The following GSK3B variants were observed in gnomAD, a reference collection of about 807,000 sequenced individuals.
GSK3B encodes glycogen synthase kinase-3 beta.
Under a neutral mutation model 56.4 loss-of-function variants are expected in GSK3B, and 15 were observed. That is an observed-to-expected ratio of 0.27 (90% CI 0.18 to 0.41). The LOEUF (loss-of-function observed/expected upper bound fraction) is 0.41. Among genes scored for constraint, GSK3B ranks in the 10% least tolerant of loss-of-function variants. The pLI, the probability that GSK3B is intolerant of heterozygous loss-of-function variation, is 1.00. For missense variants in GSK3B, 300 were observed against 513.4 expected, an observed-to-expected ratio of 0.58 and a Z score of 4.02; for synonymous variants, 181 against 188.9, an observed-to-expected ratio of 0.96 and a Z score of 0.34.
At chr3:120,004,960 A>G (rs2057712641) in intron 1 of GSK3B, among the ~76,000 whole-genome samples, 1 of 152,182 alleles carries the variant, frequency 6.6e-6, no homozygotes, top group African/African-American at 2.4e-5. Context: ...TCAGAAGGTC[A>G]GTAATAACAA....
chr3:120,040,049 G>A (rs2058052744), intron 1 of GSK3B, among the ~76,000 whole-genome samples: 1 of 152,222 alleles, frequency 6.6e-6, no homozygotes. Flanking sequence ...GAAAGAAACA[G>A]GCCGGCAGCT....
intron 1 of GSK3B, among the ~76,000 whole-genome samples, chr3:120,015,605 A>G (rs1576272885): frequency 7.3e-6 from 1 of 137,618 alleles, no homozygotes; most frequent in Non-Finnish European, 1.5e-5. Flanking sequence ...AGCCAAGATC[A>G]CGCCATTGCA....
At chr3:119,914,075 A>G (rs1387385674) in intron 5 of GSK3B, among the ~76,000 whole-genome samples, 1 of 152,108 alleles carries the variant, frequency 6.6e-6, no homozygotes, top group Non-Finnish European at 1.5e-5. Flanking sequence ...TGATGGAGCT[A>G]CAAAAACGGA....
intron 10 of GSK3B, among the ~76,000 whole-genome samples, chr3:119,827,920 A>G (rs1353086762): frequency 6.6e-6 from 1 of 150,610 alleles, no homozygotes; most frequent in Non-Finnish European, 1.5e-5. Flanking sequence ...CAGGGTGACT[A>G]CAGTACAAAA....
intron 2 of GSK3B, among the ~76,000 whole-genome samples, chr3:119,957,122 T>C (rs1292536852): frequency 1.3e-5 from 2 of 152,242 alleles, no homozygotes; most frequent in African/African-American, 4.8e-5. Context: ...TTAGTACATA[T>C]ACATAGTGGA....
At chr3:119,921,611 G>C (rs1054814385) in intron 4 of GSK3B, among the ~76,000 whole-genome samples, 2 of 151,986 alleles carry the variant, frequency 1.3e-5, no homozygotes, top group Non-Finnish European at 2.9e-5. Flanking sequence ...CAAATGATCC[G>C]GTTTCTTTAG....
chr3:119,880,777 G>A (rs1222231396), intron 7 of GSK3B, among the ~76,000 whole-genome samples: 1 of 152,142 alleles, frequency 6.6e-6, no homozygotes, highest in Non-Finnish European at 1.5e-5. Flanking sequence ...ATATGTGCAT[G>A]TGTATGTGTA....
rs912734539 is a variant in GSK3B, at chr3:119,824,948, C to T, written c.*1840G>A. 1 of 181,650 alleles carries T rather than the reference C, an allele frequency of 5.5e-6. No homozygotes were observed. The highest frequency in any genetic ancestry group is 1.2e-5 in the Non-Finnish European group (1 of 85,164). 11.3% of individuals were successfully genotyped at this position (181,650 alleles called of 1,614,324 possible). A position where few individuals can be genotyped will look rare whatever the true frequency, so the allele number is the denominator to read the frequency against. On this transcript the variant is annotated 3_prime_UTR_variant, in exon 11 of 11. Transcript: ENST00000264235. ...GGCCTGCAGGAGGGCTGCCAACAGA[C>T]TCCACTTCCGAACCCTCTGGAGGAC...
chr3:119,938,568 T>C (rs1260886689), intron 3 of GSK3B, among the ~76,000 whole-genome samples: 8 of 152,144 alleles, frequency 5.3e-5, no homozygotes, highest in Non-Finnish European at 1.0e-4. Flanking sequence ...AAAGGGCATC[T>C]GATAAACTCC....
At chr3:119,893,407 G>C (rs1024734919) in intron 7 of GSK3B, among the ~76,000 whole-genome samples, 2 of 152,196 alleles carry the variant, frequency 1.3e-5, no homozygotes, top group African/African-American at 2.4e-5. Context: ...TTACAAGTTG[G>C]TATAAGCAAC....
At chr3:120,047,794 T>C (rs1040280197) in intron 1 of GSK3B, among the ~76,000 whole-genome samples, 1 of 152,132 alleles carries the variant, frequency 6.6e-6, no homozygotes, top group African/African-American at 2.4e-5. Flanking sequence ...ACTGGTAGGG[T>C]ATTTGTTGAC....
intron 1 of GSK3B, among the ~76,000 whole-genome samples, chr3:120,078,545 C>CTTTTTTTTTTTTTTTTTTTTT (rs66489313): frequency 1.4e-5 from 2 of 140,662 alleles, no homozygotes; most frequent in Non-Finnish European, 1.5e-5. Context: ...AACTTCTCCT[C>CTTTTTTTTTTTTTTTTTTTTT]TTTTTTTTTT....
At chr3:119,991,061 G>C (rs1198222119) in intron 2 of GSK3B, among the ~76,000 whole-genome samples, 2 of 152,144 alleles carry the variant, frequency 1.3e-5, no homozygotes, top group Non-Finnish European at 2.9e-5. Context: ...CAGGAGACTT[G>C]AAACCTATGA....
intron 2 of GSK3B, among the ~76,000 whole-genome samples, chr3:119,986,524 A>T (rs934214712): frequency 6.6e-6 from 1 of 152,156 alleles, no homozygotes; most frequent in Non-Finnish European, 1.5e-5. Context: ...TGGGCAACAG[A>T]TATGAACAGA....
At chr3:119,911,431 G>C (rs1579030) in intron 6 of GSK3B, among the ~76,000 whole-genome samples, 4,172 of 152,026 alleles carry the variant, frequency 0.027, 183 homozygotes, top group African/African-American at 0.092. Flanking sequence ...TAAATGAGCA[G>C]TGGCTTGCAC....
intron 1 of GSK3B, among the ~76,000 whole-genome samples, chr3:120,003,103 G>C (rs1334630596): frequency 6.6e-6 from 1 of 152,174 alleles, no homozygotes. Flanking sequence ...TTAATTTGGG[G>C]TTAACAGATA....
At chr3:119,873,023 G>A (rs77914102) in intron 8 of GSK3B, among the ~76,000 whole-genome samples, 2 of 152,056 alleles carry the variant, frequency 1.3e-5, no homozygotes, top group Non-Finnish European at 2.9e-5. Flanking sequence ...AGTGTACAGC[G>A]TACACCAAGG....
At chr3:120,061,576 T>A (rs1163310017) in intron 1 of GSK3B, among the ~76,000 whole-genome samples, 1 of 152,176 alleles carries the variant, frequency 6.6e-6, no homozygotes, top group Non-Finnish European at 1.5e-5. Context: ...TAGACACTAT[T>A]ATTGTTATTA....
At chr3:119,865,453 TATATATATATATA>T (rs1290142192) in intron 8 of GSK3B, among the ~76,000 whole-genome samples, 1 of 19,034 alleles carries the variant, frequency 5.3e-5, no homozygotes, top group South Asian at 2.5e-3. Context: ...TATATATATA[TATATATATATATA>T]TTTTTTTTTT....
Sources: gnomAD v4.1 joint callset for allele counts (sites outside exome capture counted in the v4.1 genomes callset) on GRCh38, gnomAD v4.1.1 for gene constraint, MANE v1.5 for transcripts, NCBI Gene and HGNC (gene_info 2026-07-23, HGNC 2026-07-21) for gene names.